The following NFKB1 variants were observed in gnomAD, a reference collection of about 807,000 sequenced individuals.
The protein encoded by NFKB1 is nuclear factor NF-kappa-B p105 subunit.
A neutral mutation model predicts 105.1 loss-of-function variants in NFKB1; 9 were observed. The observed-to-expected ratio is 0.09, with a 90% CI of 0.05 to 0.15. The LOEUF is 0.15. NFKB1 is among the 10% of genes least tolerant of loss of function. The pLI, the probability that NFKB1 is intolerant of heterozygous loss-of-function variation, is 1.00. For missense variants in NFKB1, 830 were observed against 1,203.7 expected, an observed-to-expected ratio of 0.69 and a Z score of 4.59; for synonymous variants, 440 against 442.2, an observed-to-expected ratio of 1.00 and a Z score of 0.06.
Position 102,580,654 on chromosome 4 carries a change from T to G in NFKB1, c.835+15T>G. 1 of 1,582,976 alleles carries G rather than the reference T, an allele frequency of 6.3e-7. No homozygotes were observed. Among genetic ancestry groups the G allele is most frequent in the Non-Finnish European group, 8.7e-7 (1 of 1,152,134 alleles). On this transcript the variant is annotated intron_variant, in intron 9 of 23. Transcript: ENST00000226574. ...AGTTCAGAAAGGTAAATACATTCTG[T>G]GATCTCTGATCTCAAGAGGTGTGAT...
chr4:102,558,245 T>C (rs941520773), intron 5 of NFKB1, among the ~76,000 whole-genome samples: 2 of 152,070 alleles, frequency 1.3e-5, no homozygotes, highest in Non-Finnish European at 2.9e-5. Context: ...TATGTGGCAA[T>C]GTGTTCTCAT....
intron 5 of NFKB1, among the ~76,000 whole-genome samples, chr4:102,560,060 A>G (rs1281355625): frequency 6.6e-6 from 1 of 152,162 alleles, no homozygotes; most frequent in Non-Finnish European, 1.5e-5. Context: ...AGTGACATAC[A>G]TGAACATTTA....
chr4:102,593,018 A>G (rs1051739578), intron 11 of NFKB1, among the ~76,000 whole-genome samples: 1 of 152,182 alleles, frequency 6.6e-6, no homozygotes, highest in Admixed American at 6.5e-5. Flanking sequence ...TTTTATTTCC[A>G]GCATTTAGCT....
Position 102,616,465 on chromosome 4 carries a change from C to T in NFKB1, c.2781C>T (p.Asp927=), listed in dbSNP as rs111386727. 2 of 1,614,164 alleles carry T rather than the reference C, an allele frequency of 1.2e-6. No homozygotes were observed. Among genetic ancestry groups the T allele is most frequent in the Admixed American group, 1.7e-5 (1 of 60,020 alleles). Reference sequence around the variant, plus strand: ...TCCGAGACAGTGACAGTGTCTGCGACAGCGGCGTGGAGACATCCTTCCGCA... The same window carrying T: ...TCCGAGACAGTGACAGTGTCTGCGATAGCGGCGTGGAGACATCCTTCCGCA... ...DELRDSDSVC[D]SGVETSFRKL... is the part of the protein sequence containing the mutation. The change falls in exon 24 of 24, where the codon GAC becomes GAT. Residue 927 remains aspartate, a synonymous_variant. Transcript: ENST00000226574.
chr4:102,538,656 C>G (rs1170950673), intron 5 of NFKB1, among the ~76,000 whole-genome samples: 1 of 152,024 alleles, frequency 6.6e-6, no homozygotes, highest in Non-Finnish European at 1.5e-5. Flanking sequence ...GAATATTTTT[C>G]TTTAAGTTAA....
intron 16 of NFKB1, among the ~76,000 whole-genome samples, chr4:102,604,081 A>G (rs553901676): frequency 1.6e-4 from 25 of 152,314 alleles, no homozygotes; most frequent in African/African-American, 5.8e-4. Context: ...ATGGTACAGA[A>G]GAATCTACAT....
At chr4:102,506,200 A>G (rs568341820) in intron 1 of NFKB1, among the ~76,000 whole-genome samples, 1 of 152,202 alleles carries the variant, frequency 6.6e-6, no homozygotes, top group African/African-American at 2.4e-5. Flanking sequence ...TGAAAAATGT[A>G]ATTTTTTGGT....
chr4:102,520,439 C>T (rs1255773108), intron 1 of NFKB1, among the ~76,000 whole-genome samples: 1 of 152,138 alleles, frequency 6.6e-6, no homozygotes. Flanking sequence ...TATGTATCTG[C>T]CATACCTGTT....
At chr4:102,543,981 C>T (rs1222873535) in intron 5 of NFKB1, among the ~76,000 whole-genome samples, 1 of 152,112 alleles carries the variant, frequency 6.6e-6, no homozygotes, top group South Asian at 2.1e-4. Flanking sequence ...GTACATTATA[C>T]TGTGTGTTTT....
At chr4:102,502,386 GCGCGCACA>G (rs1332898505) in intron 1 of NFKB1, among the ~76,000 whole-genome samples, 2 of 102,116 alleles carry the variant, frequency 2.0e-5, no homozygotes, top group Non-Finnish European at 3.5e-5. Context: ...GCGCGCGCGC[GCGCGCACA>G]CACACACACA....
chr4:102,510,039 T>C (rs1018032962), intron 1 of NFKB1, among the ~76,000 whole-genome samples: 1 of 152,132 alleles, frequency 6.6e-6, no homozygotes, highest in East Asian at 1.9e-4. Flanking sequence ...CTATCCACAG[T>C]TTCTGACTTT....
intron 1 of NFKB1, among the ~76,000 whole-genome samples, chr4:102,522,383 C>T (rs112092818): frequency 1.3e-5 from 2 of 152,174 alleles, no homozygotes; most frequent in Non-Finnish European, 2.9e-5. Flanking sequence ...CTATCACCCA[C>T]GTGAGCCTTG....
chr4:102,531,937 T>C (rs997782413), intron 3 of NFKB1, among the ~76,000 whole-genome samples: 2 of 152,222 alleles, frequency 1.3e-5, no homozygotes, highest in African/African-American at 2.4e-5. Context: ...TGTCTTGATA[T>C]GTTCTTTCAC....
intron 6 of NFKB1, 21 bp downstream of exon 6, chr4:102,567,156 C>A (rs757035400): frequency 9.3e-6 from 15 of 1,610,152 alleles, no homozygotes; most frequent in Non-Finnish European, 1.3e-5. Flanking sequence ...GTATATGATG[C>A]TGTGGAAGGT....
At chr4:102,545,364 C>T (rs1722054641) in intron 5 of NFKB1, among the ~76,000 whole-genome samples, 1 of 152,122 alleles carries the variant, frequency 6.6e-6, no homozygotes, top group Non-Finnish European at 1.5e-5. Flanking sequence ...AGGTCCCCTT[C>T]TACCCAACAG....
intron 1 of NFKB1, among the ~76,000 whole-genome samples, chr4:102,509,362 G>C (rs1739629290): frequency 6.6e-6 from 1 of 151,990 alleles, no homozygotes. Flanking sequence ...TTTTGTGATG[G>C]GTGGGGAAGT....
At chr4:102,613,380 G>A (rs1348954015) in intron 22 of NFKB1, 45 bp from the exon 23 acceptor site, 4 of 1,600,280 alleles carry the variant, frequency 2.5e-6, no homozygotes, top group Non-Finnish European at 3.4e-6. Flanking sequence ...CCTGCACTGG[G>A]ACTCGAACAC....
rs1399478616 is a variant in NFKB1, at chr4:102,588,177, G to T, written c.1066+3357G>T. Among the ~76,000 whole-genome samples, 4 of 152,188 alleles carry T rather than the reference G, an allele frequency of 2.6e-5. No homozygotes were observed. In the South Asian group the frequency reaches 8.3e-4, roughly 32 times the overall value. ...AGAAAATGCTCATTAAATATCTGTG[G>T]ACTGACTTATTGATTGACCAGCCAA... is the stretch of plus-strand genomic sequence containing the variant. On this transcript the variant is annotated intron_variant, in intron 11 of 23. Coordinates refer to ENST00000226574, the MANE Select transcript of NFKB1 (RefSeq NM_003998.4).
intron 1 of NFKB1, chr4:102,510,874 TC>T: frequency 1.6e-6 from 2 of 1,228,646 alleles, no homozygotes. Flanking sequence ...CTCTGTTCCT[TC>T]CTAGAAGGAA....
Sources: allele counts gnomAD v4.1 joint callset (sites outside exome capture counted in the v4.1 genomes callset), GRCh38; gene constraint gnomAD v4.1.1; transcripts MANE v1.5; gene names NCBI Gene and HGNC (gene_info 2026-07-23, HGNC 2026-07-21).